Variants in KCNH7 observed in about 807,000 individuals in gnomAD.
KCNH7 encodes voltage-gated inwardly rectifying potassium channel KCNH7.
KCNH7 carries 49 observed loss-of-function variants against 120.8 expected under a neutral mutation model. The observed-to-expected ratio is 0.41, with a 90% CI of 0.32 to 0.51. The LOEUF (loss-of-function observed/expected upper bound fraction) is 0.51, where lower values mean the gene tolerates loss of function less well. KCNH7 is among the 20% of genes least tolerant of loss of function. KCNH7 has a pLI of 0.38. For synonymous variants in KCNH7, 547 were observed against 516.1 expected (o/e 1.06, Z -0.81); for missense variants, 1,097 against 1,446.6 (o/e 0.76, Z 3.92).
chr2:162,636,701 C>G (rs570229166), intron 2 of KCNH7, among the ~76,000 whole-genome samples: 46 of 152,136 alleles, frequency 3.0e-4, no homozygotes, highest in African/African-American at 7.2e-4. Flanking sequence ...CAAATGGAAG[C>G]AATATATTTC....
At chr2:162,525,345 C>T (rs1037569864) in intron 3 of KCNH7, among the ~76,000 whole-genome samples, 3 of 151,864 alleles carry the variant, frequency 2.0e-5, no homozygotes, top group African/African-American at 7.2e-5. Flanking sequence ...AACATGTTTG[C>T]AAATGTTGAC....
At chr2:162,738,655 T>C (rs1688006019) in intron 2 of KCNH7, among the ~76,000 whole-genome samples, 1 of 152,184 alleles carries the variant, frequency 6.6e-6, no homozygotes, top group African/African-American at 2.4e-5. Flanking sequence ...AATCAGTGTG[T>C]TTGTCCTTTA....
At chr2:162,645,849 A>G (rs1337204852) in intron 2 of KCNH7, among the ~76,000 whole-genome samples, 1 of 152,108 alleles carries the variant, frequency 6.6e-6, no homozygotes, top group Non-Finnish European at 1.5e-5. Flanking sequence ...TTTTCCTGGG[A>G]AAGTTTTTAC....
chr2:162,565,762 T>A (rs1000354356), intron 2 of KCNH7, among the ~76,000 whole-genome samples: 3 of 152,106 alleles, frequency 2.0e-5, no homozygotes, highest in African/African-American at 7.2e-5. Flanking sequence ...TTTCACCATC[T>A]GAAAAATTTT....
intron 6 of KCNH7, among the ~76,000 whole-genome samples, chr2:162,457,954 G>T (rs1401313140): frequency 3.9e-5 from 6 of 152,094 alleles, no homozygotes; most frequent in Non-Finnish European, 8.8e-5. Context: ...TTATAAGATG[G>T]AAAAGCATCA....
intron 2 of KCNH7, among the ~76,000 whole-genome samples, chr2:162,598,867 A>G (rs1011468711): frequency 1.3e-5 from 2 of 152,148 alleles, no homozygotes; most frequent in African/African-American, 4.8e-5. Flanking sequence ...ATAATATTAA[A>G]GATTCTAGAT....
chr2:162,762,956 C>A (rs560924604), intron 2 of KCNH7, among the ~76,000 whole-genome samples: 3 of 151,988 alleles, frequency 2.0e-5, no homozygotes, highest in South Asian at 2.1e-4. Context: ...GAGGAAGAAC[C>A]TTCAGCCAGT....
chr2:162,384,212 G>T (rs889873728), intron 13 of KCNH7, among the ~76,000 whole-genome samples: 15 of 151,720 alleles, frequency 9.9e-5, no homozygotes, highest in African/African-American at 3.1e-4. Flanking sequence ...CTTTATTTCA[G>T]GGCATTTCTC....
intron 2 of KCNH7, among the ~76,000 whole-genome samples, chr2:162,561,519 A>C (rs954933667): frequency 1.3e-5 from 2 of 152,182 alleles, no homozygotes; most frequent in African/African-American, 4.8e-5. Flanking sequence ...ACAGTGTAAA[A>C]GCATTCCTAT....
chr2:162,618,610 C>T (rs949806748), intron 2 of KCNH7, among the ~76,000 whole-genome samples: 2 of 151,976 alleles, frequency 1.3e-5, no homozygotes, highest in African/African-American at 4.8e-5. Context: ...TATAAACTGC[C>T]GTATTTGGTT....
intron 2 of KCNH7, among the ~76,000 whole-genome samples, chr2:162,646,288 T>C (rs1302225201): frequency 6.6e-6 from 1 of 152,242 alleles, no homozygotes; most frequent in Non-Finnish European, 1.5e-5. Flanking sequence ...TCCATCACAC[T>C]GTAATAGAGG....
intron 4 of KCNH7, among the ~76,000 whole-genome samples, chr2:162,514,939 G>C (rs959033934): frequency 6.6e-6 from 1 of 151,666 alleles, no homozygotes; most frequent in Non-Finnish European, 1.5e-5. Flanking sequence ...ACCCAACTTC[G>C]AAATCTTGTG....
chr2:162,645,285 C>T (rs563912954), intron 2 of KCNH7, among the ~76,000 whole-genome samples: 1 of 152,038 alleles, frequency 6.6e-6, no homozygotes, highest in East Asian at 1.9e-4. Flanking sequence ...GTAGCTGGGA[C>T]TACAGGCACG....
At chr2:162,597,240 C>T (rs865890965) in intron 2 of KCNH7, among the ~76,000 whole-genome samples, 1 of 152,114 alleles carries the variant, frequency 6.6e-6, no homozygotes. Context: ...AGATATCTCT[C>T]CTCCCATGTT....
At chr2:162,521,880 A>T (rs889475939) in intron 3 of KCNH7, among the ~76,000 whole-genome samples, 5 of 151,784 alleles carry the variant, frequency 3.3e-5, no homozygotes, top group Non-Finnish European at 2.9e-5. Context: ...GGTGCCTATT[A>T]CCTATCCCCA....
intron 3 of KCNH7, among the ~76,000 whole-genome samples, chr2:162,526,676 T>C (rs1482073929): frequency 6.6e-6 from 1 of 152,000 alleles, no homozygotes; most frequent in Non-Finnish European, 1.5e-5. Context: ...TCCCTGAACA[T>C]TGTTGTTATC....
At chr2:162,556,437 C>G (rs1338097088) in intron 2 of KCNH7, among the ~76,000 whole-genome samples, 1 of 152,100 alleles carries the variant, frequency 6.6e-6, no homozygotes, top group Non-Finnish European at 1.5e-5. Flanking sequence ...AGGACTCTTA[C>G]CTCTACTTTG....
intron 6 of KCNH7, among the ~76,000 whole-genome samples, chr2:162,499,960 C>T (rs537120105): frequency 3.3e-5 from 5 of 152,112 alleles, no homozygotes; most frequent in African/African-American, 1.2e-4. Flanking sequence ...TCAGCACCAT[C>T]TGCACACACA....
At chr2:162,537,207 AT>A in intron 2 of KCNH7, 127 bp from the exon 3 acceptor site, 1 of 683,164 alleles carries the variant, frequency 1.5e-6, no homozygotes, top group Non-Finnish European at 2.3e-6. Context: ...TTAAAAAATA[AT>A]TTGATCTTTT....
Sources: allele counts gnomAD v4.1 joint callset (sites outside exome capture counted in the v4.1 genomes callset), GRCh38; gene constraint gnomAD v4.1.1; transcripts MANE v1.5; gene names NCBI Gene and HGNC (gene_info 2026-07-23, HGNC 2026-07-21).